Variants in ROBO2 observed in about 807,000 individuals in gnomAD.
ROBO2 encodes roundabout homolog 2.
Under a neutral mutation model 160.8 loss-of-function variants are expected in ROBO2, and 53 were observed. The ratio of observed to expected loss-of-function variants is 0.33; its 90% CI spans 0.26 to 0.41. The LOEUF is 0.41. Among genes scored for constraint, ROBO2 ranks in the 10% least tolerant of loss-of-function variants. ROBO2 has a pLI of 1.00. For missense variants in ROBO2, 1,577 were observed against 1,722.4 expected, an observed-to-expected ratio of 0.92 and a Z score of 1.49; for synonymous variants, 664 against 611.7, an observed-to-expected ratio of 1.09 and a Z score of -1.26.
intron 2 of ROBO2, among the ~76,000 whole-genome samples, chr3:76,942,209 A>G (rs185119470): frequency 3.9e-5 from 6 of 152,206 alleles, no homozygotes; most frequent in Admixed American, 1.3e-4. Context: ...TCCTGTTGAA[A>G]CTCACTGATT....
chr3:76,244,145 G>A (rs1705474176), intron 2 of ROBO2, among the ~76,000 whole-genome samples: 1 of 152,122 alleles, frequency 6.6e-6, no homozygotes, highest in Non-Finnish European at 1.5e-5. Context: ...TAGGAACAAG[G>A]CAACTGAAGT....
intron 1 of ROBO2, among the ~76,000 whole-genome samples, chr3:75,919,165 G>T (rs1041934091): frequency 1.3e-5 from 2 of 152,134 alleles, no homozygotes; most frequent in Non-Finnish European, 2.9e-5. Flanking sequence ...CATGATATTA[G>T]CTATGCATTT....
rs531587159 is a variant in ROBO2, at chr3:77,014,670, A to G, written c.110-83344A>G. ...AGAAAAGACCTGGTTTTGTGAAGGGAATGAACAATCAGGAGTAGTTGGAGA... is the reference window on the plus strand; with the variant it reads ...AGAAAAGACCTGGTTTTGTGAAGGGGATGAACAATCAGGAGTAGTTGGAGA... On this transcript the variant is annotated intron_variant, in intron 2 of 26. Coordinates refer to the ROBO2 transcript ENST00000487694. Among the ~76,000 whole-genome samples the G allele has an allele frequency of 1.1e-4, 16 of 152,242 alleles. No individual in the cohort carries two copies. In the South Asian group the frequency reaches 3.1e-3, roughly 30 times the overall value.
At chr3:77,250,942 G>A (rs2090272636) in intron 2 of ROBO2, among the ~76,000 whole-genome samples, 1 of 152,168 alleles carries the variant, frequency 6.6e-6, no homozygotes, top group African/African-American at 2.4e-5. Flanking sequence ...TGGAGATTAA[G>A]TTTCTATAAC....
intron 2 of ROBO2, among the ~76,000 whole-genome samples, chr3:76,312,173 G>A (rs1182894405): frequency 6.6e-6 from 1 of 152,140 alleles, no homozygotes; most frequent in East Asian, 1.9e-4. Flanking sequence ...TCTGGACACT[G>A]TTTGTATGTT....
intron 2 of ROBO2, among the ~76,000 whole-genome samples, chr3:76,270,934 T>G (rs968356273): frequency 3.9e-5 from 6 of 152,028 alleles, no homozygotes; most frequent in African/African-American, 1.4e-4. Context: ...TAATAGCAAG[T>G]CCTCTTCCTG....
At chr3:77,582,416 T>A (rs1208539928) in intron 16 of ROBO2, among the ~76,000 whole-genome samples, 1 of 152,150 alleles carries the variant, frequency 6.6e-6, no homozygotes, top group Non-Finnish European at 1.5e-5. Flanking sequence ...AATCTAGCAA[T>A]CTTTGCCTTT....
At chr3:76,983,814 A>G (rs1371960944) in intron 2 of ROBO2, among the ~76,000 whole-genome samples, 1 of 152,194 alleles carries the variant, frequency 6.6e-6, no homozygotes, top group African/African-American at 2.4e-5. Context: ...GCTTGACCCA[A>G]ATCAGCTAAA....
intron 2 of ROBO2, among the ~76,000 whole-genome samples, chr3:76,830,667 C>G (rs1256419314): frequency 6.6e-6 from 1 of 151,426 alleles, no homozygotes; most frequent in Non-Finnish European, 1.5e-5. Flanking sequence ...ACGTATATTT[C>G]AAAAATACTA....
chr3:77,643,311 G>A (rs2095373929), intron 24 of ROBO2, among the ~76,000 whole-genome samples: 2 of 152,208 alleles, frequency 1.3e-5, no homozygotes, highest in Admixed American at 6.5e-5. Context: ...CATTTTGGCT[G>A]AAATAACCAG....
chr3:76,650,541 T>G (rs13067664), intron 2 of ROBO2, among the ~76,000 whole-genome samples: 1 of 151,678 alleles, frequency 6.6e-6, no homozygotes, highest in African/African-American at 2.4e-5. Flanking sequence ...CTATTCTTAC[T>G]GAAGTGATTC....
At chr3:76,115,177 T>C (rs905139831) in intron 2 of ROBO2, among the ~76,000 whole-genome samples, 3 of 152,096 alleles carry the variant, frequency 2.0e-5, no homozygotes, top group Admixed American at 1.3e-4. Flanking sequence ...TCAGAACTGA[T>C]ACTAGTGGGG....
intron 2 of ROBO2, among the ~76,000 whole-genome samples, chr3:76,720,427 A>G (rs1183018022): frequency 6.6e-6 from 1 of 152,214 alleles, no homozygotes; most frequent in Non-Finnish European, 1.5e-5. Context: ...GCCATTCAGA[A>G]AAAGTCTGGA....
At chr3:76,862,754 G>A (rs113347329) in intron 2 of ROBO2, among the ~76,000 whole-genome samples, 86 of 152,126 alleles carry the variant, frequency 5.7e-4, no homozygotes, top group African/African-American at 2.0e-3. Context: ...ATGCCAAGAT[G>A]TCATATTTTG....
At chr3:77,493,813 C>T (rs1250699885) in intron 5 of ROBO2, among the ~76,000 whole-genome samples, 9 of 152,134 alleles carry the variant, frequency 5.9e-5, no homozygotes, top group Non-Finnish European at 1.3e-4. Flanking sequence ...ATGTGGCTGA[C>T]TGTAAGTCCT....
chr3:77,526,980 G>T (rs1561079902), intron 6 of ROBO2, among the ~76,000 whole-genome samples: 1 of 151,438 alleles, frequency 6.6e-6, no homozygotes, highest in African/African-American at 2.4e-5. Flanking sequence ...GACTAACCAT[G>T]CTTAAAATCC....
chr3:77,158,752 G>A (rs1259965631), intron 2 of ROBO2, among the ~76,000 whole-genome samples: 1 of 152,068 alleles, frequency 6.6e-6, no homozygotes, highest in Non-Finnish European at 1.5e-5. Context: ...AGTGTTCAGT[G>A]CGGAGCTGTT....
intron 2 of ROBO2, among the ~76,000 whole-genome samples, chr3:76,581,101 T>C (rs905521663): frequency 2.0e-5 from 3 of 152,214 alleles, no homozygotes; most frequent in Non-Finnish European, 2.9e-5. Context: ...TTGTATGTAC[T>C]GTCCTGAGGT....
intron 2 of ROBO2, among the ~76,000 whole-genome samples, chr3:77,445,794 G>GT (rs199914360): frequency 0.02 from 2,504 of 122,930 alleles, 23 homozygotes; most frequent in South Asian, 0.033. Flanking sequence ...GTTTTTTTTT[G>GT]TTTTTTTTTT....
Sources: gnomAD v4.1 joint callset for allele counts (sites outside exome capture counted in the v4.1 genomes callset) on GRCh38, gnomAD v4.1.1 for gene constraint, MANE v1.5 for transcripts, NCBI Gene and HGNC (gene_info 2026-07-23, HGNC 2026-07-21) for gene names.